The following AGBL1 variants were observed in gnomAD, a reference collection of about 807,000 sequenced individuals.
The protein encoded by AGBL1 is cytosolic carboxypeptidase 4.
AGBL1 carries 130 observed loss-of-function variants against 118.9 expected under a neutral mutation model. The ratio of observed to expected loss-of-function variants is 1.09; its 90% CI spans 0.95 to 1.26. AGBL1 has a LOEUF of 1.26. Among genes scored for constraint, AGBL1 ranks in the 50% most tolerant of loss-of-function variants. The probability of loss-of-function intolerance (pLI) is 0.00; values close to 1 mark genes in which losing one functional copy is unlikely to be tolerated. For missense variants in AGBL1, 1,584 were observed against 1,298.1 expected (o/e 1.22, Z -3.38); for synonymous variants, 555 against 478.9 (o/e 1.16, Z -2.08).
intron 22 of AGBL1, among the ~76,000 whole-genome samples, chr15:86,757,876 A>G (rs1212861335): frequency 6.6e-6 from 1 of 152,094 alleles, no homozygotes; most frequent in Non-Finnish European, 1.5e-5. Context: ...GATTCTCTGA[A>G]TGATTCTGAT....
chr15:86,534,855 G>A (rs1362632471), intron 19 of AGBL1, among the ~76,000 whole-genome samples: 5 of 152,030 alleles, frequency 3.3e-5, no homozygotes, highest in Non-Finnish European at 5.9e-5. Flanking sequence ...TAATTTATGG[G>A]GACATAAATT....
intron 22 of AGBL1, among the ~76,000 whole-genome samples, chr15:86,849,808 A>C (rs2079379386): frequency 6.6e-6 from 1 of 152,190 alleles, no homozygotes. Context: ...GGTAGCATTC[A>C]GGACAGCAAG....
intron 23 of AGBL1, among the ~76,000 whole-genome samples, chr15:86,984,664 T>C (rs2081264220): frequency 6.6e-6 from 1 of 152,106 alleles, no homozygotes; most frequent in South Asian, 2.1e-4. Context: ...ACGCCCGGCC[T>C]GTTTTCTTTT....
At chr15:86,435,187 A>G (rs766714428) in intron 18 of AGBL1, among the ~76,000 whole-genome samples, 4 of 139,454 alleles carry the variant, frequency 2.9e-5, no homozygotes, top group East Asian at 2.6e-4. Context: ...ACATAAGCAC[A>G]TATGAGTCCC....
chr15:86,489,501 G>A (rs763633475), intron 18 of AGBL1, among the ~76,000 whole-genome samples: 4 of 152,022 alleles, frequency 2.6e-5, no homozygotes, highest in Non-Finnish European at 5.9e-5. Flanking sequence ...ATTTAATTCT[G>A]AGAATAAAAC....
rs150029163 is a variant in AGBL1, at chr15:86,411,091, C to T, written c.2555+13545C>T. Among the ~76,000 whole-genome samples, 323 of 150,340 alleles carry T rather than the reference C, an allele frequency of 2.1e-3. 4 individuals carry two copies. Among genetic ancestry groups the T allele is most frequent in the African/African-American group, 7.5e-3 (305 of 40,900 alleles). ...TAGTTCAGCTAATGCCTTTTTTCCT[C>T]ATGCTTACTCATCAAATAGATTTAA... On this transcript the variant is annotated intron_variant, in intron 18 of 22. Transcript: ENST00000614907.
intron 5 of AGBL1, among the ~76,000 whole-genome samples, chr15:86,168,689 T>A (rs1032561298): frequency 6.6e-6 from 1 of 152,194 alleles, no homozygotes; most frequent in African/African-American, 2.4e-5. Flanking sequence ...AAATATTGAC[T>A]AGAAAAAGTA....
chr15:86,746,803 C>T (rs1035344859), intron 22 of AGBL1, among the ~76,000 whole-genome samples: 1 of 151,948 alleles, frequency 6.6e-6, no homozygotes, highest in East Asian at 1.9e-4. Context: ...TTGGCCGAAA[C>T]ACATGTAACT....
At chr15:86,202,592 G>T (rs2077925073) in intron 5 of AGBL1, among the ~76,000 whole-genome samples, 1 of 152,174 alleles carries the variant, frequency 6.6e-6, no homozygotes, top group South Asian at 2.1e-4. Context: ...GGATTCCACT[G>T]ACTAACAATG....
intron 21 of AGBL1, among the ~76,000 whole-genome samples, chr15:86,606,026 C>A (rs1196140670): frequency 1.3e-5 from 2 of 148,316 alleles, no homozygotes; most frequent in Non-Finnish European, 3.0e-5. Context: ...ACTAGAGAGG[C>A]TGAGGCAGGA....
chr15:86,619,885 G>C (rs1181662526), intron 21 of AGBL1, among the ~76,000 whole-genome samples: 1 of 152,174 alleles, frequency 6.6e-6, no homozygotes, highest in African/African-American at 2.4e-5. Context: ...CACGCAGAGA[G>C]AGTGGGCAAA....
chr15:86,224,922 C>T lies in AGBL1; in HGVS notation c.497C>T (p.Thr166Ile), dbSNP rs1441556565. 1.2e-6 allele frequency: 2 copies of T among 1,613,356 alleles called. No individual in the cohort carries two copies. Among genetic ancestry groups the T allele is most frequent in the East Asian group, 2.2e-5 (1 of 44,870 alleles). Residue 166 changes from threonine (T) to isoleucine (I), a missense_variant, in exon 6 of 23, where the codon ACT becomes ATT. By Grantham distance (89) the Thr-to-Ile change is moderately conservative. Coordinates refer to ENST00000614907, the MANE Select transcript of AGBL1 (RefSeq NM_001386094.1). ...RKRTQAIRAA[T>I]EVLAALLKSK... ...TCTTTCTCTTTCCCCAGGGCAGCCA[C>T]TGAAGTTTTGGCAGCATTGCTGAAA... is the stretch of plus-strand genomic sequence containing the variant.
At chr15:86,291,641 T>C (rs1425227316) in intron 16 of AGBL1, among the ~76,000 whole-genome samples, 7 of 152,200 alleles carry the variant, frequency 4.6e-5, no homozygotes, top group Admixed American at 2.6e-4. Flanking sequence ...CTCCTCACTA[T>C]GGAATTATGT....
At chr15:86,946,843 CAAAAAAA>C (rs11355715) in intron 23 of AGBL1, among the ~76,000 whole-genome samples, 8 of 100,150 alleles carry the variant, frequency 8.0e-5, no homozygotes, top group Admixed American at 2.6e-4. Flanking sequence ...AAACTCGGTC[CAAAAAAA>C]AAAAAAAAAA....
At chr15:86,192,112 C>T (rs1435702204) in intron 5 of AGBL1, among the ~76,000 whole-genome samples, 3 of 151,352 alleles carry the variant, frequency 2.0e-5, no homozygotes, top group East Asian at 1.9e-4. Context: ...CACTCCTGCA[C>T]GCCCCCAATA....
At chr15:86,883,004 G>C (rs1312431478) in intron 22 of AGBL1, among the ~76,000 whole-genome samples, 2 of 152,174 alleles carry the variant, frequency 1.3e-5, no homozygotes, top group South Asian at 2.1e-4. Flanking sequence ...ATTTAGAGGA[G>C]TTGCAGAGTT....
chr15:86,480,829 A>G (rs559477638), intron 18 of AGBL1, among the ~76,000 whole-genome samples: 1 of 152,200 alleles, frequency 6.6e-6, no homozygotes, highest in African/African-American at 2.4e-5. Flanking sequence ...AAGAAAGCAC[A>G]TAAGGTCAGA....
At chr15:86,987,071 A>T (rs1170049488) in intron 23 of AGBL1, among the ~76,000 whole-genome samples, 1 of 152,262 alleles carries the variant, frequency 6.6e-6, no homozygotes, top group East Asian at 1.9e-4. Context: ...TCACAAGGTA[A>T]TGTCATCAGT....
At chr15:86,275,171 C>G (rs921711239) in intron 15 of AGBL1, among the ~76,000 whole-genome samples, 13 of 152,106 alleles carry the variant, frequency 8.5e-5, no homozygotes, top group African/African-American at 3.1e-4. Context: ...AATTTTGGTG[C>G]TGAAGGGCAG....
Sources: gnomAD v4.1 joint callset for allele counts (sites outside exome capture counted in the v4.1 genomes callset) on GRCh38, gnomAD v4.1.1 for gene constraint, MANE v1.5 for transcripts, NCBI Gene and HGNC (gene_info 2026-07-23, HGNC 2026-07-21) for gene names.